Variants in WDR70 observed in about 807,000 individuals in gnomAD.
The protein encoded by WDR70 is WD repeat domain 70.
In WDR70, 53 loss-of-function variants were observed where a neutral mutation model predicts 88.6. That is an observed-to-expected ratio of 0.60 (90% confidence interval 0.48 to 0.75). The LOEUF (loss-of-function observed/expected upper bound fraction) is 0.75, where lower values mean the gene tolerates loss of function less well. Ranked by LOEUF, WDR70 falls within the 30% of genes least tolerant of loss-of-function variation. WDR70 has a pLI of 0.00. For synonymous variants in WDR70, 280 were observed against 270.0 expected (o/e 1.04, Z -0.36); for missense variants, 610 against 823.2 (o/e 0.74, Z 3.17).
intron 13 of WDR70, among the ~76,000 whole-genome samples, chr5:37,716,960 T>C (rs867655664): frequency 2.6e-5 from 4 of 152,160 alleles, no homozygotes; most frequent in Admixed American, 6.5e-5. Flanking sequence ...CTCTCTTTTT[T>C]CTTTGGTCTC....
At position 37,709,959 on chromosome 5, in the gene WDR70, A is replaced by G. The variant is rs138817125; in HGVS notation, c.1416+6872A>G. On this transcript the variant is annotated intron_variant, in intron 13 of 17. Transcript: ENST00000265107. ...GCCAGCATCAATAAGACTTGATTAA[A>G]TTACTTCTTGGTTCTCATTCACCTA... is the stretch of plus-strand genomic sequence containing the variant. Among the ~76,000 whole-genome samples the G allele has an allele frequency of 7.7e-3, 1,178 of 152,226 alleles. 21 individuals are homozygous for G. The highest frequency in any genetic ancestry group is 0.027 in the African/African-American group (1,123 of 41,546).
At chr5:37,392,343 CT>C (rs1344783540) in intron 4 of WDR70, among the ~76,000 whole-genome samples, 2 of 151,868 alleles carry the variant, frequency 1.3e-5, no homozygotes, top group Non-Finnish European at 2.9e-5. Flanking sequence ...GCTACCACCC[CT>C]GGCTAATTTT....
chr5:37,557,802 C>T (rs1742335492), intron 9 of WDR70, among the ~76,000 whole-genome samples: 1 of 83,702 alleles, frequency 1.2e-5, no homozygotes, highest in Non-Finnish European at 2.5e-5. Flanking sequence ...ATCCATACAT[C>T]AGGTAATCTA....
chr5:37,398,864 G>A (rs1030540004), intron 5 of WDR70, among the ~76,000 whole-genome samples: 6 of 152,178 alleles, frequency 3.9e-5, no homozygotes, highest in Middle Eastern at 3.4e-3. Flanking sequence ...TATTTTGACT[G>A]GGCACTGTGG....
intron 17 of WDR70, among the ~76,000 whole-genome samples, chr5:37,731,216 G>T (rs1468790723): frequency 4.6e-5 from 7 of 152,136 alleles, no homozygotes; most frequent in Non-Finnish European, 1.0e-4. Flanking sequence ...TTTAGAGGTA[G>T]GTGCTCCTGC....
intron 9 of WDR70, among the ~76,000 whole-genome samples, chr5:37,560,349 G>A (rs1216166419): frequency 6.6e-6 from 1 of 151,904 alleles, no homozygotes; most frequent in Non-Finnish European, 1.5e-5. Context: ...CTGACCTGTT[G>A]GTCCATATGT....
At position 37,727,189 on chromosome 5, in the gene WDR70, T is replaced by C; in HGVS notation, c.1877+144T>C. On this transcript the variant is annotated intron_variant, in intron 17 of 17. Transcript: ENST00000265107. ...AAATAGGCCAGGTACTCATGGTCTTTAAACCTAGGCATTTGTATGTATCAT... is the reference window on the plus strand; with the variant it reads ...AAATAGGCCAGGTACTCATGGTCTTCAAACCTAGGCATTTGTATGTATCAT... 1.2e-5 allele frequency: 12 copies of C among 994,672 alleles called. No individual in the cohort carries two copies. In the South Asian group the frequency reaches 2.0e-4, roughly 17 times the overall value. The allele number at this position is 994,672 out of a possible 1,614,324, so 61.6% of individuals were successfully genotyped here.
Position 37,396,402 on chromosome 5 carries a change from G to C in WDR70, c.324G>C (p.Gln108His). Reference protein sequence around the residue: ...SRDTSSSESEQSSDSSDDELI... With the variant: ...SRDTSSSESEHSSDSSDDELI... ...ATACGAGCAGCAGTGAAAGTGAACA[G>C]AGTTCTGACTCTTCTGATGATGAGT... Residue 108 changes from glutamine to histidine, a missense_variant, in exon 5 of 18, where the codon CAG becomes CAC. By Grantham distance (24) the Gln-to-His change is conservative. Transcript: ENST00000265107. The C allele has an allele frequency of 6.2e-7, 1 of 1,612,942 alleles. No individual in the cohort carries two copies. Among genetic ancestry groups the C allele is most frequent in the Non-Finnish European group, 8.5e-7 (1 of 1,179,628 alleles).
At position 37,477,414 on chromosome 5, in the gene WDR70, C is replaced by T. The variant is rs1739522304; in HGVS notation, c.687-2420C>T. 2.0e-5 allele frequency among the ~76,000 whole-genome samples: 3 copies of T among 152,112 alleles called. No individual in the cohort carries two copies. In the South Asian group the frequency reaches 6.2e-4, roughly 31 times the overall value. The stretch of plus-strand genomic sequence containing the variant: ...CTTTATTTCCCCCACATACTTATTA[C>T]CGTTTTTTCATATAATATATTTTAC... On this transcript the variant is annotated intron_variant, in intron 7 of 17. Transcript: ENST00000265107.
chr5:37,465,616 T>C (rs1739127187), intron 7 of WDR70, among the ~76,000 whole-genome samples: 1 of 151,540 alleles, frequency 6.6e-6, no homozygotes, highest in Non-Finnish European at 1.5e-5. Context: ...ATAGATTTTA[T>C]TTTTCCTTTA....
At chr5:37,484,569 G>GGGGAGAGGGAGA (rs879216061) in intron 8 of WDR70, among the ~76,000 whole-genome samples, 1 of 152,002 alleles carries the variant, frequency 6.6e-6, no homozygotes, top group Non-Finnish European at 1.5e-5. Flanking sequence ...GGGAGACCGT[G>GGGGAGAGGGAGA]GGGAGAGGGA....
intron 5 of WDR70, among the ~76,000 whole-genome samples, chr5:37,419,073 C>T (rs1749857173): frequency 6.6e-6 from 1 of 151,576 alleles, no homozygotes; most frequent in African/African-American, 2.4e-5. Flanking sequence ...CCAGTAATTT[C>T]TGTAAAGTAA....
At chr5:37,640,200 G>A (rs990621454) in intron 10 of WDR70, among the ~76,000 whole-genome samples, 1 of 152,028 alleles carries the variant, frequency 6.6e-6, no homozygotes, top group Admixed American at 6.6e-5. Context: ...AAAAATGAGC[G>A]TTTCACTGAT....
intron 5 of WDR70, among the ~76,000 whole-genome samples, chr5:37,404,721 A>T (rs764997318): frequency 1.3e-4 from 20 of 152,198 alleles, no homozygotes; most frequent in Admixed American, 1.0e-3. Flanking sequence ...AAATTTAATT[A>T]ATTTATTTTT....
chr5:37,395,304 A>G (rs1257858374), intron 4 of WDR70, among the ~76,000 whole-genome samples: 1 of 152,148 alleles, frequency 6.6e-6, no homozygotes, highest in Non-Finnish European at 1.5e-5. Flanking sequence ...TCAGTATGCT[A>G]TGCCCTAGAC....
chr5:37,681,887 TTC>T (rs1746446596), intron 10 of WDR70, among the ~76,000 whole-genome samples: 2 of 152,124 alleles, frequency 1.3e-5, no homozygotes. Flanking sequence ...GCCTGAAGTT[TTC>T]TTTTTTTTGT....
chr5:37,733,793 G>A lies in WDR70; in HGVS notation c.1877+6748G>A, dbSNP rs1405399359. 4.6e-5 allele frequency among the ~76,000 whole-genome samples: 7 copies of A among 151,566 alleles called. No individual in the cohort carries two copies. The East Asian group carries it at 5.8e-4, about 13-fold the overall frequency. On this transcript the variant is annotated intron_variant, in intron 17 of 17. Coordinates refer to ENST00000265107, the MANE Select transcript of WDR70 (RefSeq NM_018034.4). ...TTTATAATATTAGTTCTTTCAAACC[G>A]AGAACAGAGTTGTCTTTCTAGTCAA...
chr5:37,550,075 G>C (rs967913447), intron 9 of WDR70, among the ~76,000 whole-genome samples: 4 of 152,136 alleles, frequency 2.6e-5, no homozygotes, highest in African/African-American at 9.7e-5. Flanking sequence ...ATGTTGAACA[G>C]GCTGGTCTTG....
chr5:37,518,140 C>T lies in WDR70; in HGVS notation c.917+1550C>T, dbSNP rs868193582. Among the ~76,000 whole-genome samples the T allele has an allele frequency of 7.9e-5, 12 of 151,984 alleles. No individual in the cohort carries two copies. The South Asian group carries it at 1.2e-3, about 16-fold the overall frequency. On this transcript the variant is annotated intron_variant, in intron 9 of 17. Coordinates refer to ENST00000265107, the MANE Select transcript of WDR70 (RefSeq NM_018034.4). ...ATGTTGCATAGGCTGGTCACGAACT[C>T]CTGAACTCAGGTGATCCACCCACTT...
Sources: allele counts gnomAD v4.1 joint callset (sites outside exome capture counted in the v4.1 genomes callset), GRCh38; gene constraint gnomAD v4.1.1; transcripts MANE v1.5; gene names NCBI Gene and HGNC (gene_info 2026-07-23, HGNC 2026-07-21).